Variants in CCDC141 observed in about 807,000 individuals in gnomAD.
CCDC141 encodes coiled-coil domain-containing protein 141.
Under a neutral mutation model 181.0 loss-of-function variants are expected in CCDC141, and 168 were observed. The ratio of observed to expected loss-of-function variants is 0.93; its 90% CI spans 0.82 to 1.05. CCDC141 has a LOEUF of 1.05. CCDC141 is among the 50% of genes least tolerant of loss of function. The probability of loss-of-function intolerance (pLI) is 0.00; values close to 1 mark genes in which losing one functional copy is unlikely to be tolerated. For synonymous variants in CCDC141, 666 were observed against 642.3 expected (o/e 1.04, Z -0.56); for missense variants, 1,902 against 1,788.5 (o/e 1.06, Z -1.14).
At chr2:178,888,289 G>A (rs1382465281) in intron 9 of CCDC141, among the ~76,000 whole-genome samples, 1 of 152,160 alleles carries the variant, frequency 6.6e-6, no homozygotes, top group Non-Finnish European at 1.5e-5. Flanking sequence ...TGCAAAGCGG[G>A]AACTGCCTTT....
At chr2:178,998,804 T>A (rs1254735849) in intron 2 of CCDC141, among the ~76,000 whole-genome samples, 2 of 152,114 alleles carry the variant, frequency 1.3e-5, no homozygotes, top group African/African-American at 2.4e-5. Context: ...CAAGCAAGTG[T>A]CAATGGTGGG....
chr2:178,930,462 T>C (rs936390115), intron 6 of CCDC141, among the ~76,000 whole-genome samples: 3 of 152,102 alleles, frequency 2.0e-5, no homozygotes, highest in Non-Finnish European at 2.9e-5. Context: ...CTGATCCTAA[T>C]ATTAATGTGG....
chr2:178,929,481 G>C (rs940818998), intron 6 of CCDC141, among the ~76,000 whole-genome samples: 9 of 152,080 alleles, frequency 5.9e-5, no homozygotes, highest in Admixed American at 1.3e-4. Flanking sequence ...CTACCCACGA[G>C]ACGTATAAGT....
intron 11 of CCDC141, among the ~76,000 whole-genome samples, chr2:178,882,431 T>C (rs1686667733): frequency 6.6e-6 from 1 of 152,176 alleles, no homozygotes; most frequent in South Asian, 2.1e-4. Context: ...TTGCTGGAGC[T>C]AGATGCTGAA....
chr2:179,039,406 C>T (rs2043233083), intron 2 of CCDC141, among the ~76,000 whole-genome samples: 1 of 152,076 alleles, frequency 6.6e-6, no homozygotes, highest in African/African-American at 2.4e-5. Flanking sequence ...TACTCTGAAA[C>T]ACTCATTAAC....
chr2:178,894,167 TGCATCTTC>T (rs1221041565), intron 8 of CCDC141, among the ~76,000 whole-genome samples: 2 of 152,148 alleles, frequency 1.3e-5, no homozygotes, highest in Non-Finnish European at 2.9e-5. Context: ...GTTTCCTGAC[TGCATCTTC>T]AAGAGCCACA....
At chr2:178,842,434 C>T (rs370885020) in intron 22 of CCDC141, among the ~76,000 whole-genome samples, 1 of 152,346 alleles carries the variant, frequency 6.6e-6, no homozygotes, top group East Asian at 1.9e-4. Flanking sequence ...CTATTAGCTT[C>T]AAGTCTTATC....
rs966471026 is a variant in CCDC141 at position 178,974,982 on chromosome 2, C to G, written c.526+75G>C. On this transcript the variant is annotated intron_variant, in intron 4 of 23. Coordinates refer to ENST00000443758, the MANE Select transcript of CCDC141 (RefSeq NM_173648.4). ...AATAGATCAATTTAAAATACACTAT[C>G]ATACATAAGCATTCTCACATTAACA... 4.5e-6 allele frequency: 3 copies of G among 660,416 alleles called. No individual in the cohort carries two copies. The African/African-American group carries it at 5.4e-5, about 12-fold the overall frequency. The allele number at this position is 660,416 out of a possible 1,614,324, so 40.9% of individuals were successfully genotyped here.
chr2:179,035,660 G>T (rs1559063170), intron 2 of CCDC141, among the ~76,000 whole-genome samples: 1 of 152,174 alleles, frequency 6.6e-6, no homozygotes, highest in African/African-American at 2.4e-5. Context: ...TTACCTGGGA[G>T]CCTCAGTTCT....
In CCDC141 at chr2:178,898,231, A is replaced by C. The variant is rs183091225; in HGVS notation, c.1265+7098T>G. On this transcript the variant is annotated intron_variant, in intron 8 of 23. Transcript: ENST00000443758. ...TCCCACTACAGCAGGTTGTTATAAA[A>C]CAAGGCTGCCTCTTGTGTTTTTCCC... Among the ~76,000 whole-genome samples, 319 of 152,282 alleles carry C rather than the reference A, an allele frequency of 2.1e-3. 2 individuals carry two copies. Among genetic ancestry groups the C allele is most frequent in the Non-Finnish European group, 3.7e-3 (252 of 68,018 alleles).
intron 5 of CCDC141, among the ~76,000 whole-genome samples, chr2:178,956,756 T>A (rs1443699985): frequency 1.3e-5 from 2 of 152,250 alleles, no homozygotes; most frequent in Non-Finnish European, 2.9e-5. Flanking sequence ...TGACCATGAA[T>A]GTGCATTCTT....
intron 6 of CCDC141, among the ~76,000 whole-genome samples, chr2:178,922,553 G>A (rs971521869): frequency 1.3e-5 from 2 of 152,182 alleles, no homozygotes; most frequent in Non-Finnish European, 2.9e-5. Context: ...GGGATTCTCA[G>A]ATTTGAAATC....
chr2:178,961,508 A>T lies in CCDC141; in HGVS notation c.527-25T>A, dbSNP rs762808441. ...TCTAGAAGAAAATTAGAAAGAAAAA[A>T]GAATAATGATATTAGCAAGCTTTTA... On this transcript the variant is annotated intron_variant, in intron 4 of 23. Coordinates refer to ENST00000443758, the MANE Select transcript of CCDC141 (RefSeq NM_173648.4). 8 of 1,520,842 alleles carry T rather than the reference A, an allele frequency of 5.3e-6. No individual in the cohort carries two copies. The Admixed American group carries it at 8.2e-5, about 16-fold the overall frequency. 94.2% of individuals were successfully genotyped at this position (1,520,842 alleles called of 1,614,324 possible).
chr2:178,943,457 A>G (rs1689601858), intron 6 of CCDC141, among the ~76,000 whole-genome samples: 1 of 152,128 alleles, frequency 6.6e-6, no homozygotes, highest in African/African-American at 2.4e-5. Context: ...ATTTAAGTCT[A>G]AATAAATGCA....
chr2:178,980,123 T>C (rs573792053), intron 2 of CCDC141, among the ~76,000 whole-genome samples: 1 of 152,262 alleles, frequency 6.6e-6, no homozygotes, highest in African/African-American at 2.4e-5. Context: ...CAATGAAATA[T>C]TAAAACAGCT....
chr2:178,935,231 C>T (rs187078204), intron 6 of CCDC141, among the ~76,000 whole-genome samples: 12 of 152,148 alleles, frequency 7.9e-5, no homozygotes, highest in African/African-American at 2.9e-4. Flanking sequence ...AGGTATTAAG[C>T]CCAGTCCCCA....
intron 2 of CCDC141, among the ~76,000 whole-genome samples, chr2:178,995,798 T>C (rs564335580): frequency 8.5e-5 from 13 of 152,298 alleles, no homozygotes; most frequent in Admixed American, 2.6e-4. Context: ...AAAGTGTATA[T>C]TTTCTTACCT....
At chr2:179,002,784 T>C (rs1044648568) in intron 2 of CCDC141, 5 of 154,246 alleles carry the variant, frequency 3.2e-5, no homozygotes, top group African/African-American at 1.2e-4. Context: ...ATTTTTTGAG[T>C]AACAAGTAAA....
rs188430373 is a variant in CCDC141 at position 178,998,814 on chromosome 2, G to T, written c.226-20139C>A. 1.7e-3 allele frequency among the ~76,000 whole-genome samples: 257 copies of T among 152,130 alleles called. 5 individuals carry two copies. The South Asian group carries it at 0.02, about 12-fold the overall frequency. On this transcript the variant is annotated intron_variant, in intron 2 of 23. Coordinates refer to ENST00000443758, the MANE Select transcript of CCDC141 (RefSeq NM_173648.4). ...CTTCTCAAGCAAGTGTCAATGGTGG[G>T]TCTGAGAAGCATATATCAAAATCAT...
Sources: gnomAD v4.1 joint callset for allele counts (sites outside exome capture counted in the v4.1 genomes callset) on GRCh38, gnomAD v4.1.1 for gene constraint, MANE v1.5 for transcripts, NCBI Gene and HGNC (gene_info 2026-07-23, HGNC 2026-07-21) for gene names.